Variants in SLC30A7 observed in about 807,000 individuals in gnomAD.
SLC30A7 encodes the protein zinc transporter 7.
A neutral mutation model predicts 46.0 loss-of-function variants in SLC30A7; 35 were observed. That is an observed-to-expected ratio of 0.76 (90% CI 0.58 to 1.01). The LOEUF is 1.01. Among genes scored for constraint, SLC30A7 ranks in the 50% least tolerant of loss-of-function variants. SLC30A7 has a pLI of 0.00. For missense variants in SLC30A7, 464 were observed against 451.1 expected, an observed-to-expected ratio of 1.03 and a Z score of -0.26; for synonymous variants, 147 against 157.8, an observed-to-expected ratio of 0.93 and a Z score of 0.51.
At chr1:100,941,894 G>T (rs1238585335) in intron 8 of SLC30A7, 16 of 369,458 alleles carry the variant, frequency 4.3e-5, no homozygotes. Context: ...GCTCGGAATG[G>T]CTCCTCAGAT....
intron 9 of SLC30A7, among the ~76,000 whole-genome samples, chr1:100,962,631 CA>C (rs1655613872): frequency 6.6e-6 from 1 of 152,278 alleles, no homozygotes; most frequent in African/African-American, 2.4e-5. Flanking sequence ...ATGGCAGGAG[CA>C]AGATCACTTA....
rs1652280170 is a variant in SLC30A7, at chr1:100,913,674, A to T, written c.523A>T (p.Ser175Cys). ...GHSHGSGHGH[S>C]HSLFNGALDQ... ...ACTTTGTTTTCTAGGCCACGGACAC[A>T]GTCATTCCCTCTTTAATGGTGCTCT... Residue 175 changes from serine (S) to cysteine (C), a missense_variant, in exon 6 of 11, where the codon AGT (serine) becomes TGT (cysteine). By Grantham distance (112) the Ser-to-Cys change is moderately radical. Coordinates refer to ENST00000357650, the MANE Select transcript of SLC30A7 (RefSeq NM_133496.5). The T allele has an allele frequency of 6.2e-7, 1 of 1,613,840 alleles. No homozygotes were observed. The highest frequency in any genetic ancestry group is 8.5e-7 in the Non-Finnish European group (1 of 1,179,754).
rs79015584 is a variant in SLC30A7 at position 100,956,320 on chromosome 1, C to T, written c.843-5508C>T. Among the ~76,000 whole-genome samples, 316 of 151,890 alleles carry T rather than the reference C, an allele frequency of 2.1e-3. 3 individuals are homozygous for T. The highest frequency in any genetic ancestry group is 7.4e-3 in the African/African-American group (308 of 41,410). Reference sequence around the variant, plus strand: ...TAACTTCTTTACTAATTCTAGAGTCCTCAAACTAAGGGCCTCATGTGAAAG... The same window carrying T: ...TAACTTCTTTACTAATTCTAGAGTCTTCAAACTAAGGGCCTCATGTGAAAG... On this transcript the variant is annotated intron_variant, in intron 8 of 10. Coordinates refer to ENST00000357650, the MANE Select transcript of SLC30A7 (RefSeq NM_133496.5).
chr1:100,956,198 A>G (rs971459958), intron 8 of SLC30A7, among the ~76,000 whole-genome samples: 1 of 152,116 alleles, frequency 6.6e-6, no homozygotes. Flanking sequence ...CTAACATTTT[A>G]TTAAAATGTT....
chr1:100,916,019 AT>A (rs1652518915), intron 6 of SLC30A7, among the ~76,000 whole-genome samples: 1 of 152,054 alleles, frequency 6.6e-6, no homozygotes, highest in African/African-American at 2.4e-5. Flanking sequence ...TTCCCTGATG[AT>A]TAGTGATGTT....
rs41312670 is a variant in SLC30A7, at chr1:100,977,875, C to T, written c.*3018C>T. ...TTCAAGTGATTCTCCTGTCTCAGCT[C>T]CCTGAGTAACTGGAATTACAGGTGC... On this transcript the variant is annotated 3_prime_UTR_variant, in exon 11 of 11. Transcript: ENST00000357650. 16,865 of 152,156 alleles carry T rather than the reference C, an allele frequency of 0.11. 1,104 individuals are homozygous for T. The highest frequency in any genetic ancestry group is 0.15 in the Non-Finnish European group (10,093 of 68,030). 9.4% of individuals were successfully genotyped at this position (152,156 alleles called of 1,614,324 possible). A position where few individuals can be genotyped will look rare whatever the true frequency, so the allele number is the denominator to read the frequency against.
At chr1:100,941,140 C>T (rs1654320717) in intron 8 of SLC30A7, 1 of 336,150 alleles carries the variant, frequency 3.0e-6, no homozygotes, top group African/African-American at 2.2e-5. Flanking sequence ...ACCAAAGTTT[C>T]CTTCCTTCAT....
chr1:100,992,304 C>T, the SLC30A7 span, among the ~76,000 whole-genome samples: 1 of 152,000 alleles, frequency 6.6e-6, no homozygotes, highest in African/African-American at 2.4e-5. Flanking sequence ...ATAGATCTCA[C>T]CATTGATTAG....
chr1:100,912,345 A>T (rs1470701231), intron 5 of SLC30A7, 107 bp downstream of exon 5: 1 of 1,256,546 alleles, frequency 8.0e-7, no homozygotes, highest in African/African-American at 1.5e-5. Flanking sequence ...ATGTCAACAG[A>T]CTATGTGAAT....
At chr1:100,982,580 G>A (rs985720455), downstream of SLC30A7, among the ~76,000 whole-genome samples, 14 of 152,080 alleles carry the variant, frequency 9.2e-5, no homozygotes, top group African/African-American at 2.4e-4. Flanking sequence ...ATCATAAAAC[G>A]TCTTTCTTCC....
At chr1:100,912,301 T>C in intron 5 of SLC30A7, 63 bp downstream of exon 5, 1 of 1,544,952 alleles carries the variant, frequency 6.5e-7, no homozygotes, top group Non-Finnish European at 8.9e-7. Context: ...AATTATTTAC[T>C]TGAGAGAATT....
intron 8 of SLC30A7, among the ~76,000 whole-genome samples, chr1:100,957,699 T>A (rs1445393144): frequency 6.6e-6 from 1 of 152,128 alleles, no homozygotes; most frequent in African/African-American, 2.4e-5. Flanking sequence ...GAAGAAATTA[T>A]TAAAATAACT....
At chr1:100,941,727 G>T in intron 8 of SLC30A7, 1 of 639,950 alleles carries the variant, frequency 1.6e-6, no homozygotes, top group Non-Finnish European at 2.9e-6. Flanking sequence ...CATCCACCTT[G>T]TGTAGCTTTG....
intron 8 of SLC30A7, among the ~76,000 whole-genome samples, chr1:100,952,717 G>C (rs534952659): frequency 1.3e-5 from 2 of 152,278 alleles, no homozygotes; most frequent in East Asian, 3.9e-4. Context: ...GGTTCTACCT[G>C]CATCATTTAA....
At chr1:100,983,401 C>CAAAAA (rs1326139897), downstream of SLC30A7, among the ~76,000 whole-genome samples, 1 of 100,172 alleles carries the variant, frequency 1.0e-5, no homozygotes. Flanking sequence ...CAAAACAAAA[C>CAAAAA]AAAACAAAAA....
At chr1:100,967,315 T>C (rs1220423233) in intron 10 of SLC30A7, among the ~76,000 whole-genome samples, 1 of 152,074 alleles carries the variant, frequency 6.6e-6, no homozygotes, top group East Asian at 1.9e-4. Context: ...GGGATGAAAC[T>C]GTTCCACCTC....
At chr1:100,963,440 G>A (rs936222075) in intron 9 of SLC30A7, among the ~76,000 whole-genome samples, 14 of 152,138 alleles carry the variant, frequency 9.2e-5, no homozygotes, top group African/African-American at 3.4e-4. Context: ...TACTGACCTT[G>A]TTAAGAGCAA....
intron 8 of SLC30A7, among the ~76,000 whole-genome samples, chr1:100,934,217 T>C (rs1653824031): frequency 6.6e-6 from 1 of 152,230 alleles, no homozygotes; most frequent in Non-Finnish European, 1.5e-5. Context: ...ATTTTCATGG[T>C]TGTACAAATA....
the SLC30A7 span, chr1:100,995,832 C>T: frequency 6.6e-6 from 1 of 152,188 alleles, no homozygotes; most frequent in Non-Finnish European, 1.5e-5. Flanking sequence ...CACTCTACAT[C>T]CTCAAAGGAA....
Sources: gnomAD v4.1 joint callset for allele counts (sites outside exome capture counted in the v4.1 genomes callset) on GRCh38, gnomAD v4.1.1 for gene constraint, MANE v1.5 for transcripts, NCBI Gene and HGNC (gene_info 2026-07-23, HGNC 2026-07-21) for gene names.